Variants in FDFT1 observed in about 807,000 individuals in gnomAD.
FDFT1 encodes the protein farnesyl-diphosphate farnesyltransferase 1, also known as squalene synthase.
In FDFT1, 68 loss-of-function variants were observed where a neutral mutation model predicts 46.8. The observed-to-expected ratio is 1.45, with a 90% CI of 1.19 to 1.78. The LOEUF (loss-of-function observed/expected upper bound fraction) is 1.78. Among genes scored for constraint, FDFT1 ranks in the 40% most tolerant of loss-of-function variants. The pLI, the probability that FDFT1 is intolerant of heterozygous loss-of-function variation, is 0.00. For missense variants in FDFT1, 928 were observed against 524.4 expected (o/e 1.77, Z -7.52); for synonymous variants, 351 against 185.1 (o/e 1.90, Z -7.28).
upstream of FDFT1, among the ~76,000 whole-genome samples, chr8:11,799,590 A>G (rs1805896805): frequency 6.6e-6 from 1 of 152,216 alleles, no homozygotes; most frequent in Non-Finnish European, 1.5e-5. Context: ...AAGGGGGTAC[A>G]ATGAGGGCTA....
intron 1 of FDFT1, among the ~76,000 whole-genome samples, chr8:11,804,928 G>GT (rs61531409): frequency 6.5e-4 from 11 of 16,960 alleles, no homozygotes; most frequent in Non-Finnish European, 1.8e-3. Context: ...TTTTTTTTGA[G>GT]GGGGGGGTCT....
chr8:11,821,746 T>TC lies in FDFT1; in HGVS notation c.382-3dup, dbSNP rs531234425. 1.7e-4 allele frequency: 280 copies of TC among 1,612,932 alleles called. 2 individuals carry two copies. In the Middle Eastern group the frequency reaches 6.1e-3, roughly 35 times the overall value. ...TTTCTGTGTTTTTACGGTTTCCATT[T>TC]CAGATCTCCCTTGAGTTTAGAAATC... On this transcript the variant is annotated splice_region_variant and splice_polypyrimidine_tract_variant and intron_variant, in intron 3 of 7. Transcript: ENST00000220584.
At chr8:11,808,492 A>G in intron 1 of FDFT1, 2 of 1,328,054 alleles carry the variant, frequency 1.5e-6, no homozygotes, top group African/African-American at 1.5e-5. Context: ...CTATGGAGGA[A>G]AAACTCCGCG....
chr8:11,815,349 T>G (rs1050966044), intron 3 of FDFT1, among the ~76,000 whole-genome samples: 2 of 152,204 alleles, frequency 1.3e-5, no homozygotes, highest in African/African-American at 4.8e-5. Flanking sequence ...TGTGTCTTCA[T>G]AGTTGGACGA....
chr8:11,827,575 G>A (rs984824020), intron 5 of FDFT1, among the ~76,000 whole-genome samples: 2 of 151,770 alleles, frequency 1.3e-5, no homozygotes, highest in Admixed American at 6.6e-5. Flanking sequence ...CAGATACAGG[G>A]TTCATATTCC....
chr8:11,806,591 G>C (rs1284389483), intron 1 of FDFT1, among the ~76,000 whole-genome samples: 3 of 152,058 alleles, frequency 2.0e-5, no homozygotes, highest in Non-Finnish European at 4.4e-5. Flanking sequence ...ACCGTGTCTT[G>C]GCATTGATTG....
intron 6 of FDFT1, 128 bp from the exon 7 acceptor site, chr8:11,831,390 G>T: frequency 1.3e-6 from 1 of 743,942 alleles, no homozygotes; most frequent in South Asian, 1.9e-5. Context: ...TTTTTCTTGA[G>T]CGATTCCATC....
At chr8:11,837,715 C>A (rs1019851731) in intron 7 of FDFT1, among the ~76,000 whole-genome samples, 7 of 152,106 alleles carry the variant, frequency 4.6e-5, no homozygotes, top group African/African-American at 1.4e-4. Flanking sequence ...TCCTTGGTGA[C>A]AGTGTAGAGC....
At chr8:11,815,127 T>A (rs1306895268) in intron 3 of FDFT1, among the ~76,000 whole-genome samples, 1 of 152,232 alleles carries the variant, frequency 6.6e-6, no homozygotes, top group African/African-American at 2.4e-5. Context: ...TGTTTGGTTT[T>A]CTGTCGTTGT....
intron 2 of FDFT1, chr8:11,809,338 T>A (rs907012347): frequency 1.1e-5 from 12 of 1,100,096 alleles, no homozygotes; most frequent in Non-Finnish European, 1.3e-5. Context: ...TTTTTGACTT[T>A]CTTTTCTATT....
intron 3 of FDFT1, among the ~76,000 whole-genome samples, chr8:11,820,891 G>A (rs868296996): frequency 2.6e-5 from 4 of 152,190 alleles, no homozygotes; most frequent in South Asian, 2.1e-4. Flanking sequence ...TCCAACCAGT[G>A]CCAGTGAGAT....
intron 1 of FDFT1, chr8:11,803,224 C>A: frequency 7.2e-7 from 1 of 1,396,384 alleles, no homozygotes; most frequent in Non-Finnish European, 9.5e-7. Context: ...CGGCGCTTAC[C>A]GGTATTTTAA....
chr8:11,803,323 T>C (rs1585849279), intron 1 of FDFT1: 3 of 1,296,040 alleles, frequency 2.3e-6, no homozygotes, highest in African/African-American at 3.0e-5. Flanking sequence ...ACTATGCAGA[T>C]AACATCACAT....
upstream of FDFT1, among the ~76,000 whole-genome samples, chr8:11,801,476 T>C (rs1419195950): frequency 6.6e-6 from 1 of 151,858 alleles, no homozygotes; most frequent in Non-Finnish European, 1.5e-5. Context: ...CCTGCCACCA[T>C]GCCTGGCTAA....
upstream of FDFT1, chr8:11,802,087 A>G (rs763601644): frequency 4.0e-5 from 18 of 455,082 alleles, no homozygotes; most frequent in Non-Finnish European, 7.0e-5. Context: ...TTTTTCTAGG[A>G]CTAAGCTGGA....
intron 1 of FDFT1, 49 bp from the exon 2 acceptor site, chr8:11,808,740 TCCCAC>T (rs1469719909): frequency 1.1e-5 from 18 of 1,589,466 alleles, no homozygotes; most frequent in Non-Finnish European, 8.6e-6. Flanking sequence ...CCACTCCCAC[TCCCAC>T]TCCTGCTCCT....
At chr8:11,826,539 C>T (rs561190782) in intron 5 of FDFT1, among the ~76,000 whole-genome samples, 5 of 152,290 alleles carry the variant, frequency 3.3e-5, no homozygotes, top group African/African-American at 9.6e-5. Context: ...TTCGGCCTGG[C>T]GCAGTGGCTC....
At chr8:11,802,055 G>A (rs774516451), upstream of FDFT1, 7 of 455,774 alleles carry the variant, frequency 1.5e-5, no homozygotes, top group South Asian at 1.1e-4. Context: ...TCCTGTTACA[G>A]GCTCTCTAAG....
At chr8:11,809,334 A>G (rs1807377502) in intron 2 of FDFT1, 2 of 1,094,338 alleles carry the variant, frequency 1.8e-6, no homozygotes, top group South Asian at 3.4e-5. Flanking sequence ...GTGTTTTTTG[A>G]CTTTCTTTTC....
Sources: gnomAD v4.1 joint callset for allele counts (sites outside exome capture counted in the v4.1 genomes callset) on GRCh38, gnomAD v4.1.1 for gene constraint, MANE v1.5 for transcripts, NCBI Gene and HGNC (gene_info 2026-07-23, HGNC 2026-07-21) for gene names.